DMD: variants seen among roughly 807,000 people sequenced by gnomAD.
The protein encoded by DMD is dystrophin, also known as mutant dystrophin.
Under a neutral mutation model 330.1 loss-of-function variants are expected in DMD, and 63 were observed. That is an observed-to-expected ratio of 0.19 (90% CI 0.16 to 0.24). The LOEUF (loss-of-function observed/expected upper bound fraction) is 0.24, where lower values mean the gene tolerates loss of function less well. Among genes scored for constraint, DMD ranks in the 10% least tolerant of loss-of-function variants. The probability of loss-of-function intolerance (pLI) is 1.00; values close to 1 mark genes in which losing one functional copy is unlikely to be tolerated. For missense variants in DMD, 3,344 were observed against 2,684.1 expected, an observed-to-expected ratio of 1.25 and a Z score of -5.43; for synonymous variants, 1,223 against 959.8, an observed-to-expected ratio of 1.27 and a Z score of -5.07.
chrX:31,988,866 T>C (rs1318775002), intron 44 of DMD, among the ~76,000 whole-genome samples: 1 of 110,582 alleles, frequency 9.0e-6, no homozygotes, highest in African/African-American at 3.3e-5. Flanking sequence ...TCTGGAGAAG[T>C]CCCAAGATTT....
At chrX:31,686,142 A>T (rs73210132) in intron 52 of DMD, among the ~76,000 whole-genome samples, 1 of 112,503 alleles carries the variant, frequency 8.9e-6, no homozygotes, top group Non-Finnish European at 1.9e-5. Flanking sequence ...GCAAAGCGGA[A>T]GAAGCTAGAA....
rs372961137 is a variant in DMD at position 32,592,422 on chromosome X, C to T, written c.1602+3335G>A. Among the ~76,000 whole-genome samples the T allele has an allele frequency of 6.3e-5, 7 of 111,290 alleles. No individual in the cohort carries two copies. In the East Asian group the frequency reaches 2.0e-3, roughly 32 times the overall value. On this transcript the variant is annotated intron_variant, in intron 13 of 78. Coordinates refer to ENST00000357033, the MANE Select transcript of DMD (RefSeq NM_004006.3). Reference sequence around the variant, plus strand: ...CCTACTTTGTGTCTCCTTGACTCTTCAGGATGACCTGCCTGCATAAAGGAG... The same window carrying T: ...CCTACTTTGTGTCTCCTTGACTCTTTAGGATGACCTGCCTGCATAAAGGAG...
chrX:32,679,396 A>T (rs2062206321), intron 9 of DMD, among the ~76,000 whole-genome samples: 2 of 111,368 alleles, frequency 1.8e-5, no homozygotes, highest in Non-Finnish European at 3.8e-5. Flanking sequence ...ATTCCACAAT[A>T]TGCAATTCAG....
rs55899317 is a variant in DMD at position 33,000,571 on chromosome X, T to C, written c.93+19568A>G. Among the ~76,000 whole-genome samples, 421 of 111,918 alleles carry C rather than the reference T, an allele frequency of 3.8e-3. 3 individuals carry two copies. Among genetic ancestry groups the C allele is most frequent in the African/African-American group, 0.013 (405 of 30,833 alleles). ...CTAAGACCCCTCTATAGCTATGCTGTGTAATGTGGTAGCCACTAGCCACAT... is the reference window on the plus strand; with the variant it reads ...CTAAGACCCCTCTATAGCTATGCTGCGTAATGTGGTAGCCACTAGCCACAT... On this transcript the variant is annotated intron_variant, in intron 2 of 78. Transcript: ENST00000357033.
chrX:32,880,229 C>T (rs1450859999), intron 2 of DMD, among the ~76,000 whole-genome samples: 1 of 99,803 alleles, frequency 1.0e-5, no homozygotes, highest in Non-Finnish European at 2.0e-5. Context: ...CTTCATACTC[C>T]TCAGCATTTT....
At chrX:33,029,941 G>C (rs772693026) in intron 1 of DMD, among the ~76,000 whole-genome samples, 80 of 111,188 alleles carry the variant, frequency 7.2e-4, no homozygotes, top group African/African-American at 2.5e-3. Context: ...TACAATGCAG[G>C]CCGGGGTTAC....
At chrX:32,555,961 C>G (rs1259959942) in intron 16 of DMD, among the ~76,000 whole-genome samples, 2 of 111,555 alleles carry the variant, frequency 1.8e-5, no homozygotes, top group African/African-American at 6.5e-5. Flanking sequence ...AAAGCAAAAA[C>G]TGACAAAGGG....
chrX:32,765,402 C>G (rs1057234894), intron 7 of DMD, among the ~76,000 whole-genome samples: 9 of 110,850 alleles, frequency 8.1e-5, no homozygotes, highest in African/African-American at 2.9e-4. Context: ...TATGACCTGC[C>G]AGGTCACCCT....
At chrX:32,724,525 T>C (rs12006828) in intron 7 of DMD, among the ~76,000 whole-genome samples, 7,407 of 111,390 alleles carry the variant, frequency 0.066, 617 homozygotes, top group African/African-American at 0.23. Flanking sequence ...GAAGAAAACA[T>C]GTTAAAGCTA....
chrX:31,159,449 G>T (rs902559517), intron 74 of DMD, among the ~76,000 whole-genome samples: 1 of 111,672 alleles, frequency 9.0e-6, no homozygotes, highest in South Asian at 3.8e-4. Context: ...TATTAAGATA[G>T]TAAAAAAATA....
chrX:32,900,370 C>T (rs192771337), intron 2 of DMD, among the ~76,000 whole-genome samples: 2 of 111,338 alleles, frequency 1.8e-5, no homozygotes, highest in Admixed American at 1.9e-4. Flanking sequence ...GAGAAGGGCC[C>T]TCACTCTGTT....
At chrX:31,584,696 AG>A (rs1233384583) in intron 55 of DMD, among the ~76,000 whole-genome samples, 1 of 111,570 alleles carries the variant, frequency 9.0e-6, no homozygotes, top group East Asian at 2.9e-4. Flanking sequence ...AGTTTCACAA[AG>A]TTTGGCCATC....
intron 62 of DMD, among the ~76,000 whole-genome samples, chrX:31,279,077 C>T (rs2052410160): frequency 9.0e-6 from 1 of 111,717 alleles, no homozygotes; most frequent in Non-Finnish European, 1.9e-5. Flanking sequence ...AGAAGGAAAC[C>T]CACAATCTTT....
intron 2 of DMD, among the ~76,000 whole-genome samples, chrX:32,909,511 G>T (rs1470981652): frequency 9.0e-6 from 1 of 111,393 alleles, no homozygotes; most frequent in African/African-American, 3.3e-5. Flanking sequence ...ATATTTTCTT[G>T]AAGTAACAGT....
At chrX:32,898,159 C>T (rs2085902739) in intron 2 of DMD, among the ~76,000 whole-genome samples, 1 of 111,760 alleles carries the variant, frequency 8.9e-6, no homozygotes, top group Non-Finnish European at 1.9e-5. Context: ...CTTACTGCCA[C>T]CCACAAGAGT....
rs535050376 is a variant in DMD at position 31,504,642 on chromosome X, T to A, written c.8390+2639A>T. Among the ~76,000 whole-genome samples the A allele has an allele frequency of 9.8e-5, 11 of 111,947 alleles. No individual in the cohort carries two copies. The South Asian group carries it at 4.1e-3, about 42-fold the overall frequency. ...ATGGTTCTATATCTAACTCTTCCAG[T>A]GTTATTCTATTCTATTTCATAATCA... On this transcript the variant is annotated intron_variant, in intron 56 of 78. Transcript: ENST00000357033.
At chrX:32,002,977 G>A (rs1019965292) in intron 44 of DMD, among the ~76,000 whole-genome samples, 12 of 111,271 alleles carry the variant, frequency 1.1e-4, no homozygotes, top group African/African-American at 3.9e-4. Context: ...TTAGTTTATT[G>A]TGATCCATAG....
chrX:32,595,034 A>G (rs760181850), intron 13 of DMD, among the ~76,000 whole-genome samples: 1 of 111,797 alleles, frequency 8.9e-6, no homozygotes, highest in African/African-American at 3.2e-5. Context: ...CTACAGAGCT[A>G]TATAGAGGCA....
intron 64 of DMD, among the ~76,000 whole-genome samples, chrX:31,212,684 T>C (rs1050802194): frequency 9.0e-6 from 1 of 111,722 alleles, no homozygotes; most frequent in Non-Finnish European, 1.9e-5. Flanking sequence ...TTTAAAATCA[T>C]TTTGCAGTTG....
Sources: gnomAD v4.1 joint callset for allele counts (sites outside exome capture counted in the v4.1 genomes callset) on GRCh38, gnomAD v4.1.1 for gene constraint, MANE v1.5 for transcripts, NCBI Gene and HGNC (gene_info 2026-07-23, HGNC 2026-07-21) for gene names.